DNAH6: variants seen among roughly 807,000 people sequenced by gnomAD.
DNAH6 encodes the protein dynein axonemal heavy chain 6, also known as axonemal beta dynein heavy chain 6.
In DNAH6, 340 loss-of-function variants were observed where a neutral mutation model predicts 491.4. The observed-to-expected ratio is 0.69, with a 90% CI of 0.63 to 0.76. The LOEUF is 0.76. Ranked by LOEUF, DNAH6 falls within the 30% of genes least tolerant of loss-of-function variation. The probability of loss-of-function intolerance (pLI) is 0.00; values close to 1 mark genes in which losing one functional copy is unlikely to be tolerated. For synonymous variants in DNAH6, 1,603 were observed against 1,686.1 expected, an observed-to-expected ratio of 0.95 and a Z score of 1.21; for missense variants, 4,443 against 4,972.2, an observed-to-expected ratio of 0.89 and a Z score of 3.20.
At chr2:84,749,555 G>A (rs1009494439) in intron 63 of DNAH6, among the ~76,000 whole-genome samples, 22 of 152,344 alleles carry the variant, frequency 1.4e-4, no homozygotes, top group Admixed American at 9.8e-4. Context: ...CCAAGGAACT[G>A]CAAGGTTAGG....
chr2:84,542,786 T>C (rs1056640218), intron 4 of DNAH6, among the ~76,000 whole-genome samples: 2 of 152,210 alleles, frequency 1.3e-5, no homozygotes, highest in Admixed American at 6.5e-5. Context: ...TCCAATGTCT[T>C]AAAAACTTAT....
In DNAH6 at chr2:84,634,576, G is replaced by C. The variant is rs1173106337; in HGVS notation, c.4588G>C (p.Asp1530His). Residue 1530 changes from aspartate to histidine, a missense_variant, in exon 30 of 77, where the codon GAC becomes CAC. Asp to His is a moderately conservative substitution (Grantham distance 81). Coordinates refer to ENST00000389394, the MANE Select transcript of DNAH6 (RefSeq NM_001370.2). ...WCCFDEFNRI[D>H]IEVLSVIAQQ... is the part of the protein sequence containing the mutation. The stretch of plus-strand genomic sequence containing the variant: ...CTGCTTTGATGAATTTAATCGAATT[G>C]ACATAGAAGTTCTGTCCGTCATCGC... The C allele has an allele frequency of 1.9e-6, 3 of 1,550,588 alleles. No homozygotes were observed. Among genetic ancestry groups the C allele is most frequent in the Non-Finnish European group, 1.7e-6 (2 of 1,146,518 alleles).
Position 84,579,652 on chromosome 2 carries a change from A to G in DNAH6, c.2202A>G (p.Leu734=). 6.3e-7 allele frequency: 1 copy of G among 1,589,318 alleles called. No individual in the cohort carries two copies. Among genetic ancestry groups the G allele is most frequent in the Non-Finnish European group, 8.5e-7 (1 of 1,170,918 alleles). Residue 734 remains leucine (L), a synonymous_variant, in exon 14 of 77, where the codon TTA becomes TTG. Coordinates refer to ENST00000389394, the MANE Select transcript of DNAH6 (RefSeq NM_001370.2). ...CTACCACAGAATATGTTCATAGCTT[A>G]TTATTTCTTGATGAAATTCAGGAAC... The part of the protein sequence containing the change: ...PTTTTEYVHS[L]LFLDEIQERI...
At chr2:84,664,365 A>G (rs1691855710) in intron 37 of DNAH6, among the ~76,000 whole-genome samples, 1 of 152,182 alleles carries the variant, frequency 6.6e-6, no homozygotes, top group Non-Finnish European at 1.5e-5. Context: ...TCTCACGTGC[A>G]AAGACACACA....
chr2:84,774,607 G>A (rs1399591172), intron 64 of DNAH6, among the ~76,000 whole-genome samples: 1 of 152,094 alleles, frequency 6.6e-6, no homozygotes, highest in Non-Finnish European at 1.5e-5. Context: ...TAGTTTGATA[G>A]GAATAGCATT....
chr2:84,710,483 C>T (rs1573564219), intron 56 of DNAH6, 71 bp downstream of exon 56: 2 of 1,444,876 alleles, frequency 1.4e-6, no homozygotes, highest in Non-Finnish European at 1.9e-6. Context: ...CTATATAGGC[C>T]ACATCCCCAT....
chr2:84,712,442 C>T (rs544305914), intron 56 of DNAH6, among the ~76,000 whole-genome samples: 1 of 152,254 alleles, frequency 6.6e-6, no homozygotes, highest in African/African-American at 2.4e-5. Context: ...GTCTCCATGC[C>T]CACGTTCCTA....
intron 11 of DNAH6, among the ~76,000 whole-genome samples, chr2:84,571,377 A>G (rs1172848535): frequency 1.3e-5 from 2 of 152,220 alleles, no homozygotes; most frequent in Non-Finnish European, 1.5e-5. Flanking sequence ...GTTCACAGTG[A>G]TAAGCCTGCC....
intron 33 of DNAH6, among the ~76,000 whole-genome samples, chr2:84,644,974 G>A (rs924584139): frequency 2.6e-5 from 4 of 152,190 alleles, no homozygotes; most frequent in African/African-American, 9.7e-5. Flanking sequence ...GGATTGCTGG[G>A]TCAAATGGTA....
At chr2:84,726,992 C>A (rs1698699429) in intron 60 of DNAH6, among the ~76,000 whole-genome samples, 1 of 152,092 alleles carries the variant, frequency 6.6e-6, no homozygotes, top group African/African-American at 2.4e-5. Flanking sequence ...CCTTTAAAAT[C>A]ACAAAAATCA....
Position 84,637,380 on chromosome 2 carries a change from G to A in DNAH6, c.4821+3G>A. ...CAAATTATGCCTTGATTGCAGAGGT[G>A]AGCATCACATTATAAAGCAGCAGAA... On this transcript the variant is annotated splice_donor_region_variant and intron_variant, in intron 31 of 76. Coordinates refer to ENST00000389394, the MANE Select transcript of DNAH6 (RefSeq NM_001370.2). 6.5e-7 allele frequency: 1 copy of A among 1,531,646 alleles called. No individual in the cohort carries two copies. The allele number at this position is 1,531,646 out of a possible 1,614,324, so 94.9% of individuals were successfully genotyped here.
chr2:84,561,247 A>C (rs1251139751), intron 11 of DNAH6, among the ~76,000 whole-genome samples: 1 of 152,200 alleles, frequency 6.6e-6, no homozygotes. Context: ...ATCTTCAACT[A>C]TCTGATCTTT....
chr2:84,808,228 T>C (rs1679629660), intron 71 of DNAH6, among the ~76,000 whole-genome samples, 187 bp from the exon 72 acceptor site: 1 of 152,154 alleles, frequency 6.6e-6, no homozygotes, highest in Non-Finnish European at 1.5e-5. Flanking sequence ...ATTGCTTCTA[T>C]ATAAACACAG....
chr2:84,653,427 G>C lies in DNAH6; in HGVS notation c.5187G>C (p.Glu1729Asp). ...DVMNRQNLQP[E>D]MCMVRKVIQF... ...TGAATAGACAAAATCTTCAGCCTGAGATGTGTATGGTTAGAAAGGTGATAC... is the reference window on the plus strand; with the variant it reads ...TGAATAGACAAAATCTTCAGCCTGACATGTGTATGGTTAGAAAGGTGATAC... The change falls in exon 34 of 77, where the codon GAG (glutamate) becomes GAC (aspartate). Residue 1729 changes from glutamate to aspartate, a missense_variant. Around this residue, in one of 3 missense-constraint regions of DNAH6, gnomAD observed 2,977 missense variants for 3,296.6 expected, o/e 0.90. Coordinates refer to ENST00000389394, the MANE Select transcript of DNAH6 (RefSeq NM_001370.2). The C allele has an allele frequency of 6.4e-7, 1 of 1,551,144 alleles. No individual in the cohort carries two copies. Among genetic ancestry groups the C allele is most frequent in the Non-Finnish European group, 8.7e-7 (1 of 1,146,636 alleles).
rs1238856381 is a variant in DNAH6, at chr2:84,727,773, A to G, written c.10077A>G (p.Ser3359=). Residue 3359 remains serine, a synonymous_variant, in exon 61 of 77, where the codon TCA becomes TCG. Transcript: ENST00000389394. The part of the protein sequence containing the change: ...QTLLTAYVNV[S]RGLFEQHKLI... ...TCCTAACTGCTTATGTCAATGTTTCAAGAGGACTTTTTGAGCAACATAAAC... is the reference window on the plus strand; with the variant it reads ...TCCTAACTGCTTATGTCAATGTTTCGAGAGGACTTTTTGAGCAACATAAAC... The G allele has an allele frequency of 1.9e-6, 3 of 1,551,528 alleles. No homozygotes were observed. The Admixed American group carries it at 5.9e-5, about 30-fold the overall frequency.
Position 84,785,750 on chromosome 2 carries a change from T to C in DNAH6, c.11094T>C (p.Ile3698=). The C allele has an allele frequency of 6.5e-7, 1 of 1,538,000 alleles. No homozygotes were observed. The change falls in exon 67 of 77, where the codon ATT becomes ATC. Residue 3698 remains isoleucine, a synonymous_variant. Coordinates refer to ENST00000389394, the MANE Select transcript of DNAH6 (RefSeq NM_001370.2). ...IIFGICFFHA[I]IQERKKFGPL... The stretch of plus-strand genomic sequence containing the variant: ...TTGGCATTTGTTTCTTCCATGCAAT[T>C]ATTCAGGTACACTCAACTCTGCTTT...
intron 63 of DNAH6, among the ~76,000 whole-genome samples, chr2:84,747,888 G>T (rs1673117657): frequency 6.6e-6 from 1 of 152,154 alleles, no homozygotes; most frequent in Non-Finnish European, 1.5e-5. Context: ...AGCCACCAAG[G>T]CTTATGGATT....
At chr2:84,469,735 GC>G in the DNAH6 span, among the ~76,000 whole-genome samples, 1 of 152,094 alleles carries the variant, frequency 6.6e-6, no homozygotes, top group East Asian at 1.9e-4. The surrounding 1 kb of genome is among the most constrained non-coding windows in gnomAD (Gnocchi z 4.0). Flanking sequence ...AGCTCCCCAT[GC>G]CCCACAATCC....
At chr2:84,787,739 T>A (rs1351746631) in intron 68 of DNAH6, among the ~76,000 whole-genome samples, 2 of 152,176 alleles carry the variant, frequency 1.3e-5, no homozygotes, top group Non-Finnish European at 2.9e-5. Flanking sequence ...TGATCTTAAA[T>A]TCAAAAGAAC....
Sources: allele counts gnomAD v4.1 joint callset (sites outside exome capture counted in the v4.1 genomes callset), GRCh38; gene constraint gnomAD v4.1.1; regional missense constraint gnomAD v4.1.1; non-coding constraint Gnocchi (gnomAD v3.1); transcripts MANE v1.5; gene names NCBI Gene and HGNC (gene_info 2026-07-23, HGNC 2026-07-21).